PEG3: variants seen among roughly 807,000 people sequenced by gnomAD.
The protein encoded by PEG3 is paternally expressed 3, also known as paternally-expressed gene 3 protein.
Under a neutral mutation model 35.5 loss-of-function variants are expected in PEG3, and 23 were observed. The ratio of observed to expected loss-of-function variants is 0.65; its 90% CI spans 0.47 to 0.92. The LOEUF is 0.92. Ranked by LOEUF, PEG3 falls within the 40% of genes least tolerant of loss-of-function variation. The pLI is 0.00. For synonymous variants in PEG3, 707 were observed against 697.0 expected (o/e 1.01, Z -0.23); for missense variants, 1,960 against 1,985.3 (o/e 0.99, Z 0.24).
intron 2 of PEG3, among the ~76,000 whole-genome samples, chr19:56,829,953 T>C (rs1050551490): frequency 2.0e-5 from 3 of 152,180 alleles, no homozygotes; most frequent in Admixed American, 6.5e-5. Context: ...TGTTTGCAGG[T>C]GCTGAGAGGA....
intron 5 of PEG3, 107 bp downstream of exon 5, chr19:56,823,486 G>C: frequency 2.3e-6 from 3 of 1,324,116 alleles, no homozygotes; most frequent in Admixed American, 1.8e-5. Flanking sequence ...CTGACCACTC[G>C]GGGATGGCGG....
Position 56,815,301 on chromosome 19 carries a change from G to A in PEG3, c.3141C>T (p.Asn1047=). ...RQFFATSEDL[N]TNQKIYDQEK... The stretch of plus-strand genomic sequence containing the variant: ...CTTGGTCATAGATTTTCTGGTTTGT[G>A]TTGAGGTCTTCGCTGGTAGCAAAAA... The change falls in exon 10 of 10, where the codon AAC becomes AAT. Residue 1047 remains asparagine (N), a synonymous_variant. Coordinates refer to ENST00000326441, the MANE Select transcript of PEG3 (RefSeq NM_006210.3). 1 of 1,614,244 alleles carries A rather than the reference G, an allele frequency of 6.2e-7. No individual in the cohort carries two copies.
At position 56,816,024 on chromosome 19, in the gene PEG3, GGTA is replaced by G; in HGVS notation, c.2415_2417del (p.Thr806del). ...GGTTGATAGCATCGAAGCTCTGAAT[GGTA>G]GACTCTGCCATTACTTTTGGTTTAC... On this transcript the variant is annotated inframe_deletion, in exon 10 of 10. Coordinates refer to ENST00000326441, the MANE Select transcript of PEG3 (RefSeq NM_006210.3). 6.3e-7 allele frequency: 1 copy of G among 1,593,384 alleles called. No individual in the cohort carries two copies. Among genetic ancestry groups the G allele is most frequent in the Non-Finnish European group, 8.5e-7 (1 of 1,170,584 alleles).
At position 56,816,628 on chromosome 19, in the gene PEG3, C is replaced by CCGCGCT. The variant is rs759180539; in HGVS notation, c.1808_1813dup (p.Glu603_Arg604dup). The stretch of plus-strand genomic sequence containing the variant: ...GGCTGGGCTGGGCCTAAAGGTTTCC[C>CCGCGCT]CGCGCTCACGTTCACGTTCACGTTC... On this transcript the variant is annotated inframe_insertion, in exon 10 of 10. Coordinates refer to ENST00000326441, the MANE Select transcript of PEG3 (RefSeq NM_006210.3). 2.2e-5 allele frequency: 36 copies of CCGCGCT among 1,612,472 alleles called. No homozygotes were observed. The African/African-American group carries it at 2.4e-4, about 11-fold the overall frequency.
chr19:56,821,568 A>G (rs2060489657), intron 7 of PEG3, 83 bp downstream of exon 7: 2 of 1,549,664 alleles, frequency 1.3e-6, no homozygotes, highest in Admixed American at 3.4e-5. Flanking sequence ...GGGGGCAGAT[A>G]AACACACCAT....
rs189053356 is a variant in PEG3, at chr19:56,813,804, G to C, written c.4638C>G (p.Ile1546Met). 2 of 1,614,006 alleles carry C rather than the reference G, an allele frequency of 1.2e-6. No individual in the cohort carries two copies. The highest frequency in any genetic ancestry group is 1.7e-6 in the Non-Finnish European group (2 of 1,180,018). ...CACCTGTGCTGGTGCTGGCACGTTCGATGTAGCCTGAGCACTCCCCAAAGG... is the reference window on the plus strand; with the variant it reads ...CACCTGTGCTGGTGCTGGCACGTTCCATGTAGCCTGAGCACTCCCCAAAGG... ...ANAFGECSGY[I>M]ERASTSTGGA... The change falls in exon 10 of 10, where the codon ATC (isoleucine) becomes ATG (methionine). Residue 1546 changes from isoleucine (I) to methionine (M), a missense_variant. Transcript: ENST00000326441.
rs1323712741 is a variant in PEG3, at chr19:56,816,690, G to A, written c.1752C>T (p.Ile584=). ...HSSALIEHQK[I]HFGDDKDNER... ...CATTATCTTTGTCATCCCCAAAGTG[G>A]ATTTTCTGGTGCTCAATCAGGGCAG... Residue 584 remains isoleucine (I), a synonymous_variant, in exon 10 of 10, where the codon ATC becomes ATT. Transcript: ENST00000326441. 6 of 1,613,944 alleles carry A rather than the reference G, an allele frequency of 3.7e-6. No individual in the cohort carries two copies. Among genetic ancestry groups the A allele is most frequent in the Non-Finnish European group, 5.1e-6 (6 of 1,180,006 alleles).
chr19:56,829,156 G>C (rs1213588950), intron 2 of PEG3, among the ~76,000 whole-genome samples: 2 of 152,052 alleles, frequency 1.3e-5, no homozygotes, highest in Non-Finnish European at 2.9e-5. Flanking sequence ...TTCGAGACCA[G>C]CCTGGCCAAC....
chr19:56,814,857 C>A lies in PEG3; in HGVS notation c.3585G>T (p.Gly1195=). ...HEQDQLYSMK[G]CDDGFIALLP... ...AGAGGGCAATAAAACCATCATCACA[C>A]CCCTTCATGGAATACAACTGGTCTT... Residue 1195 remains glycine, a synonymous_variant, in exon 10 of 10, where the codon GGG becomes GGT. Transcript: ENST00000326441. This position sits in a 1 kb window ranked among gnomAD's most constrained non-coding sequence, Gnocchi z 5.8. 6.2e-7 allele frequency: 1 copy of A among 1,614,156 alleles called. No individual in the cohort carries two copies. The highest frequency in any genetic ancestry group is 8.5e-7 in the Non-Finnish European group (1 of 1,180,036).
Position 56,810,509 on chromosome 19 carries a change from G to A in PEG3, c.*3166C>T. 1 of 984,638 alleles carries A rather than the reference G, an allele frequency of 1.0e-6. No individual in the cohort carries two copies. Among genetic ancestry groups the A allele is most frequent in the Non-Finnish European group, 1.2e-6 (1 of 829,296 alleles). The allele number at this position is 984,638 out of a possible 1,614,324, so 61.0% of individuals were successfully genotyped here. On this transcript the variant is annotated 3_prime_UTR_variant, in exon 10 of 10. Coordinates refer to ENST00000326441, the MANE Select transcript of PEG3 (RefSeq NM_006210.3). ...AAGATGTTAACAGTTAATTGTTGTT[G>A]GGTGTTGGGAATATGTGTGAATTTT...
chr19:56,840,153 C>T (rs1049075490), intron 1 of PEG3, among the ~76,000 whole-genome samples: 3 of 152,208 alleles, frequency 2.0e-5, no homozygotes, highest in Admixed American at 6.5e-5. Flanking sequence ...AGCCGCATTC[C>T]GCCGTGGCAA....
Position 56,840,211 on chromosome 19 carries a change from C to T in PEG3, c.-250+371G>A, listed in dbSNP as rs182136510. Among the ~76,000 whole-genome samples, 1,053 of 152,332 alleles carry T rather than the reference C, an allele frequency of 6.9e-3. 10 individuals carry two copies. Among genetic ancestry groups the T allele is most frequent in the African/African-American group, 0.024 (1,007 of 41,586 alleles). On this transcript the variant is annotated intron_variant, in intron 1 of 9. Transcript: ENST00000326441. ...CTTGCTGGACTTGCCGTGGCAGAGC[C>T]CCCGGCTGTCTGCCCTAATGCCCCC... is the stretch of plus-strand genomic sequence containing the variant.
chr19:56,827,839 C>A (rs4801389), intron 2 of PEG3, among the ~76,000 whole-genome samples: 119,734 of 152,054 alleles, frequency 0.79, 47,244 homozygotes, highest in South Asian at 0.85. Context: ...ACAGCATTCT[C>A]AGAAACTAAA....
At position 56,812,677 on chromosome 19, in the gene PEG3, C is replaced by T. The variant is rs2059616167; in HGVS notation, c.*998G>A. 3 of 985,232 alleles carry T rather than the reference C, an allele frequency of 3.0e-6. No individual in the cohort carries two copies. Among genetic ancestry groups the T allele is most frequent in the South Asian group, 4.7e-5 (1 of 21,276 alleles). 61.0% of individuals were successfully genotyped at this position (985,232 alleles called of 1,614,324 possible). A position where few individuals can be genotyped will look rare whatever the true frequency, so the allele number is the denominator to read the frequency against. On this transcript the variant is annotated 3_prime_UTR_variant, in exon 10 of 10. Transcript: ENST00000326441. ...ATTATTTACAGCATGAGAGCCTCTCCTACGGTTCTCAACCTTCATTAGGCA... is the reference window on the plus strand; with the variant it reads ...ATTATTTACAGCATGAGAGCCTCTCTTACGGTTCTCAACCTTCATTAGGCA...
chr19:56,813,088 A>T lies in PEG3; in HGVS notation c.*587T>A. On this transcript the variant is annotated 3_prime_UTR_variant, in exon 10 of 10. Transcript: ENST00000326441. ...TCACAAGACTATTTAAGGGTAAGAA[A>T]CAAAACAATTACTCAAAAAGATATT... 1.0e-6 allele frequency: 1 copy of T among 985,548 alleles called. No homozygotes were observed. Among genetic ancestry groups the T allele is most frequent in the Non-Finnish European group, 1.2e-6 (1 of 829,910 alleles). 61.1% of individuals were successfully genotyped at this position (985,548 alleles called of 1,614,324 possible). A position where few individuals can be genotyped will look rare whatever the true frequency, so the allele number is the denominator to read the frequency against.
Position 56,815,336 on chromosome 19 carries a change from A to G in PEG3, c.3106T>C (p.Phe1036Leu). ...TCGCTGGTAGCAAAAAATTGTCTGAAGTCCTTACATTTGTTCCGCGCTTGC... is the reference window on the plus strand; with the variant it reads ...TCGCTGGTAGCAAAAAATTGTCTGAGGTCCTTACATTTGTTCCGCGCTTGC... ...KEQARNKCKDFRQFFATSEDL... is the reference protein window; with the variant it reads ...KEQARNKCKDLRQFFATSEDL... Residue 1036 changes from phenylalanine (F) to leucine (L), a missense_variant, in exon 10 of 10, where the codon TTC (phenylalanine) becomes CTC (leucine). By Grantham distance (22) the Phe-to-Leu change is conservative. This residue lies in a region of PEG3 where 798 missense variants were observed against 782.4 expected (regional missense o/e 1.02). Coordinates refer to ENST00000326441, the MANE Select transcript of PEG3 (RefSeq NM_006210.3). 6.2e-7 allele frequency: 1 copy of G among 1,614,156 alleles called. No individual in the cohort carries two copies.
rs2059502957 is a variant in PEG3 at position 56,811,021 on chromosome 19, A to AT, written c.*2653dup. Reference sequence around the variant, plus strand: ...TTTGAATATACATTTTGACACAGTTATAATCATAAACCTGTGCACAGAAAC... The same window carrying AT: ...TTTGAATATACATTTTGACACAGTTATTAATCATAAACCTGTGCACAGAAAC... On this transcript the variant is annotated 3_prime_UTR_variant, in exon 10 of 10. Coordinates refer to ENST00000326441, the MANE Select transcript of PEG3 (RefSeq NM_006210.3). 1.0e-6 allele frequency: 1 copy of AT among 973,876 alleles called. No individual in the cohort carries two copies. 60.3% of individuals were successfully genotyped at this position (973,876 alleles called of 1,614,324 possible).
rs563041943 is a variant in PEG3 at position 56,834,922 on chromosome 19, G to A, written c.-163+1096C>T. On this transcript the variant is annotated intron_variant, in intron 2 of 9. Coordinates refer to ENST00000326441, the MANE Select transcript of PEG3 (RefSeq NM_006210.3). Reference sequence around the variant, plus strand: ...CTGGCATGATCCTGTCCTGGATCAGGCCCAGTATCAATGCTTGCTAACAAA... The same window carrying A: ...CTGGCATGATCCTGTCCTGGATCAGACCCAGTATCAATGCTTGCTAACAAA... Among the ~76,000 whole-genome samples the A allele has an allele frequency of 2.2e-4, 33 of 152,256 alleles. No homozygotes were observed. In the South Asian group the frequency reaches 6.4e-3, roughly 30 times the overall value.
chr19:56,839,350 G>A (rs1374286599), intron 1 of PEG3, among the ~76,000 whole-genome samples: 1 of 151,534 alleles, frequency 6.6e-6, no homozygotes, highest in Non-Finnish European at 1.5e-5. Context: ...CGCCCCCTCT[G>A]CTACCAACCA....
Sources: gnomAD v4.1 joint callset for allele counts (sites outside exome capture counted in the v4.1 genomes callset) on GRCh38, gnomAD v4.1.1 for gene constraint, gnomAD v4.1.1 regional missense constraint, Gnocchi (gnomAD v3.1) non-coding constraint, MANE v1.5 for transcripts, NCBI Gene and HGNC (gene_info 2026-07-23, HGNC 2026-07-21) for gene names.